Variants in DIP2B observed in about 807,000 individuals in gnomAD.
DIP2B encodes disco-interacting protein 2 homolog B.
A neutral mutation model predicts 198.0 loss-of-function variants in DIP2B; 76 were observed. The observed-to-expected ratio is 0.38, with a 90% CI of 0.32 to 0.46. The LOEUF (loss-of-function observed/expected upper bound fraction) is 0.46. Among genes scored for constraint, DIP2B ranks in the 20% least tolerant of loss-of-function variants. The pLI is 0.99. For missense variants in DIP2B, 1,559 were observed against 1,978.4 expected, an observed-to-expected ratio of 0.79 and a Z score of 4.02; for synonymous variants, 701 against 739.1, an observed-to-expected ratio of 0.95 and a Z score of 0.84.
intron 15 of DIP2B, 49 bp downstream of exon 15, chr12:50,695,409 A>G: frequency 6.5e-7 from 1 of 1,540,902 alleles, no homozygotes; most frequent in Non-Finnish European, 9.0e-7. Context: ...GTTTGAATTA[A>G]GATTTCAGGG....
chr12:50,571,838 G>A (rs1305263438), intron 1 of DIP2B, among the ~76,000 whole-genome samples: 3 of 152,188 alleles, frequency 2.0e-5, no homozygotes, highest in African/African-American at 2.4e-5. Context: ...AATTACAGGC[G>A]TGAGCCACCG....
rs370093584 is a variant in DIP2B at position 50,739,179 on chromosome 12, C to T, written c.4177-230C>T. Among the ~76,000 whole-genome samples, 213 of 152,202 alleles carry T rather than the reference C, an allele frequency of 1.4e-3. 2 individuals carry two copies. Among genetic ancestry groups the T allele is most frequent in the African/African-American group, 4.2e-3 (173 of 41,520 alleles). ...TTAGTTAACTCCTTGTTTTTTCATC[C>T]GTAAAATGGGAACAACATTGTATGA... On this transcript the variant is annotated intron_variant, in intron 35 of 37. Coordinates refer to ENST00000301180, the MANE Select transcript of DIP2B (RefSeq NM_173602.3).
rs538201299 is a variant in DIP2B at position 50,704,037 on chromosome 12, A to T, written c.2326-103A>T. 4.9e-5 allele frequency: 45 copies of T among 926,406 alleles called. No individual in the cohort carries two copies. In the South Asian group the frequency reaches 6.4e-4, roughly 13 times the overall value. The allele number at this position is 926,406 out of a possible 1,614,324, so 57.4% of individuals were successfully genotyped here. On this transcript the variant is annotated intron_variant, in intron 19 of 37. Coordinates refer to ENST00000301180, the MANE Select transcript of DIP2B (RefSeq NM_173602.3). ...ATGGAATTACTGGATTCACTATTAC[A>T]TTATTTTTTCACTGAGCATGTATTT...
chr12:50,538,771 A>G (rs117280285), intron 1 of DIP2B, among the ~76,000 whole-genome samples: 2,589 of 152,304 alleles, frequency 0.017, 34 homozygotes, highest in Non-Finnish European at 0.027. Context: ...CAATATTATT[A>G]AGTAAATATT....
At chr12:50,741,658 G>A (rs1478982243) in intron 37 of DIP2B, 119 bp downstream of exon 37, 35 of 1,342,196 alleles carry the variant, frequency 2.6e-5, no homozygotes, top group Non-Finnish European at 3.0e-6. Flanking sequence ...TCCATGGGAG[G>A]AGTAAGGAAA....
intron 2 of DIP2B, among the ~76,000 whole-genome samples, chr12:50,632,478 CA>C (rs756895459): frequency 0.34 from 25,519 of 74,554 alleles, 2,978 homozygotes; most frequent in East Asian, 0.43. Flanking sequence ...GACTCTGTCT[CA>C]AAAAAAAAAA....
chr12:50,605,000 G>C (rs950831654), intron 1 of DIP2B, among the ~76,000 whole-genome samples: 1 of 152,072 alleles, frequency 6.6e-6, no homozygotes, highest in Non-Finnish European at 1.5e-5. Context: ...TGAGTAAAAA[G>C]ACAGAAACAT....
chr12:50,519,168 C>A (rs1389166991), intron 1 of DIP2B, among the ~76,000 whole-genome samples: 1 of 152,186 alleles, frequency 6.6e-6, no homozygotes, highest in African/African-American at 2.4e-5. Context: ...CCATGCTTTG[C>A]AGGAACTAAA....
At chr12:50,528,832 CAA>C (rs540774195) in intron 1 of DIP2B, among the ~76,000 whole-genome samples, 25 of 152,046 alleles carry the variant, frequency 1.6e-4, no homozygotes, top group Admixed American at 3.3e-4. Context: ...GCCAGGAAGA[CAA>C]GAGAGAATGA....
rs1272432553 is a variant in DIP2B, at chr12:50,731,362, A to C, written c.3642-7A>C. The C allele has an allele frequency of 2.5e-6, 4 of 1,611,522 alleles. No individual in the cohort carries two copies. Among genetic ancestry groups the C allele is most frequent in the Non-Finnish European group, 3.4e-6 (4 of 1,178,904 alleles). ...GATGATTCCAGCTCTTGTCTCTTTC[A>C]CTGCAGTGTCTATTCAGGCCACCAG... On this transcript the variant is annotated splice_region_variant and splice_polypyrimidine_tract_variant and intron_variant, in intron 30 of 37. Transcript: ENST00000301180.
At chr12:50,584,548 G>A (rs1958753442) in intron 1 of DIP2B, among the ~76,000 whole-genome samples, 1 of 152,098 alleles carries the variant, frequency 6.6e-6, no homozygotes, top group African/African-American at 2.4e-5. Flanking sequence ...TATTAAAAAT[G>A]TATTTGTTAT....
At chr12:50,551,713 G>A (rs980274474) in intron 1 of DIP2B, among the ~76,000 whole-genome samples, 1 of 152,076 alleles carries the variant, frequency 6.6e-6, no homozygotes, top group African/African-American at 2.4e-5. Flanking sequence ...CAAAGTCTTG[G>A]GATTACATGC....
chr12:50,686,253 A>G (rs1455002729), intron 11 of DIP2B, among the ~76,000 whole-genome samples: 2 of 152,112 alleles, frequency 1.3e-5, no homozygotes, highest in African/African-American at 4.8e-5. Context: ...GGAAAAAGCT[A>G]CCACTCTGTA....
chr12:50,723,375 A>T, intron 27 of DIP2B, 52 bp downstream of exon 27: 2 of 1,607,172 alleles, frequency 1.2e-6, no homozygotes, highest in Non-Finnish European at 1.7e-6. Flanking sequence ...ATCCAGATTC[A>T]GACAACTAAG....
chr12:50,706,240 C>A (rs2139567469), intron 20 of DIP2B, among the ~76,000 whole-genome samples: 1 of 152,278 alleles, frequency 6.6e-6, no homozygotes, highest in South Asian at 2.1e-4. Flanking sequence ...CTGGGAAAAT[C>A]AGCTATGCTT....
chr12:50,552,917 C>T (rs1314221040), intron 1 of DIP2B, among the ~76,000 whole-genome samples: 3 of 151,828 alleles, frequency 2.0e-5, no homozygotes, highest in African/African-American at 7.3e-5. Flanking sequence ...CTCACTGCAA[C>T]GTCTGCCTCC....
chr12:50,664,050 C>A (rs1189691211), intron 4 of DIP2B, among the ~76,000 whole-genome samples: 4 of 152,076 alleles, frequency 2.6e-5, no homozygotes, highest in Non-Finnish European at 5.9e-5. Context: ...TCTGCACTTG[C>A]TGTCTTGTAT....
Position 50,693,013 on chromosome 12 carries a change from G to A in DIP2B, c.1719G>A (p.Ala573=), listed in dbSNP as rs1310258816. The stretch of plus-strand genomic sequence containing the variant: ...CTGGGCTGTGGCACGGCATGTTTGC[G>A]GTAAGCTACTCAGATTTAAGGCCCT... ...KDAGLWHGMF[A]NVMNKMHTIS... Residue 573 remains alanine, a splice_region_variant and synonymous_variant, in exon 14 of 38, where the codon GCG becomes GCA. Transcript: ENST00000301180. The A allele has an allele frequency of 1.9e-6, 3 of 1,610,436 alleles. No homozygotes were observed. The highest frequency in any genetic ancestry group is 2.5e-6 in the Non-Finnish European group (3 of 1,179,062).
chr12:50,523,740 T>TTA (rs1958139823), intron 1 of DIP2B, among the ~76,000 whole-genome samples: 1 of 152,186 alleles, frequency 6.6e-6, no homozygotes, highest in Non-Finnish European at 1.5e-5. Context: ...GCCCAAATTC[T>TTA]TATATATATA....
Sources: gnomAD v4.1 joint callset for allele counts (sites outside exome capture counted in the v4.1 genomes callset) on GRCh38, gnomAD v4.1.1 for gene constraint, MANE v1.5 for transcripts, NCBI Gene and HGNC (gene_info 2026-07-23, HGNC 2026-07-21) for gene names.